Variants in C12orf54 observed in about 807,000 individuals in gnomAD.
The protein encoded by C12orf54 is chromosome 12 open reading frame 54.
In C12orf54, 24 loss-of-function variants were observed where a neutral mutation model predicts 26.4. The ratio of observed to expected loss-of-function variants is 0.91; its 90% CI spans 0.66 to 1.28. The LOEUF is 1.28. Ranked by LOEUF, C12orf54 falls within the 50% of genes most tolerant of loss-of-function variation. The pLI, the probability that C12orf54 is intolerant of heterozygous loss-of-function variation, is 0.00. For synonymous variants in C12orf54, 54 were observed against 47.0 expected (o/e 1.15, Z -0.61); for missense variants, 154 against 150.9 (o/e 1.02, Z -0.11).
intron 4 of C12orf54, chr12:48,488,370 G>T (rs1937705204): frequency 2.0e-6 from 1 of 504,474 alleles, no homozygotes; most frequent in Non-Finnish European, 3.8e-6. Context: ...AGCCAAGGCT[G>T]GGGCTGGGTC....
the C12orf54 span, among the ~76,000 whole-genome samples, chr12:48,467,620 A>G: frequency 1.3e-5 from 2 of 152,118 alleles, no homozygotes; most frequent in African/African-American, 4.8e-5. Flanking sequence ...AAGAAAATCC[A>G]TGGTTGCTTC....
chr12:48,478,268 A>G (rs926684211), upstream of C12orf54, among the ~76,000 whole-genome samples: 2 of 152,230 alleles, frequency 1.3e-5, no homozygotes, highest in Non-Finnish European at 2.9e-5. Flanking sequence ...AGAGCTATCT[A>G]TGACAAACCC....
At chr12:48,480,768 G>A (rs560611126), upstream of C12orf54, among the ~76,000 whole-genome samples, 88 of 152,128 alleles carry the variant, frequency 5.8e-4, no homozygotes, top group Middle Eastern at 6.8e-3. Context: ...TATGTTTATC[G>A]CAGCACTATT....
the C12orf54 span, chr12:48,473,297 T>C: frequency 5.6e-5 from 63 of 1,120,468 alleles, no homozygotes; most frequent in Non-Finnish European, 8.0e-5. Flanking sequence ...AGGAGAAGGA[T>C]GAAGGTTATA....
chr12:48,463,283 T>A, the C12orf54 span, among the ~76,000 whole-genome samples: 1 of 151,784 alleles, frequency 6.6e-6, no homozygotes, highest in African/African-American at 2.4e-5. Context: ...CCATCAGAGA[T>A]TATTATGAAC....
At chr12:48,437,571 T>G in the C12orf54 span, among the ~76,000 whole-genome samples, 1 of 152,232 alleles carries the variant, frequency 6.6e-6, no homozygotes, top group African/African-American at 2.4e-5. Context: ...GTGGGCTTCA[T>G]GCCTCGGATG....
chr12:48,440,130 CAGG>C, the C12orf54 span, among the ~76,000 whole-genome samples: 1 of 151,568 alleles, frequency 6.6e-6, no homozygotes, highest in Admixed American at 6.6e-5. Flanking sequence ...AAGGCTGAGG[CAGG>C]AGAATTGTTT....
chr12:48,424,591 A>C, the C12orf54 span, among the ~76,000 whole-genome samples: 1 of 152,126 alleles, frequency 6.6e-6, no homozygotes, highest in African/African-American at 2.4e-5. Flanking sequence ...TGAAATCCTC[A>C]TATGTTGCCA....
At chr12:48,442,008 A>G in the C12orf54 span, 8 of 152,152 alleles carry the variant, frequency 5.3e-5, no homozygotes, top group African/African-American at 1.9e-4. Context: ...CATCATTCTG[A>G]TTTCATAAGT....
chr12:48,473,187 G>T, the C12orf54 span: 25 of 1,396,362 alleles, frequency 1.8e-5, no homozygotes, highest in Non-Finnish European at 2.5e-5. Context: ...GGAGGATGAG[G>T]ATGAGGAGGA....
the C12orf54 span, among the ~76,000 whole-genome samples, chr12:48,476,595 C>A: frequency 3.9e-5 from 6 of 152,122 alleles, no homozygotes; most frequent in African/African-American, 1.4e-4. Flanking sequence ...GGGTTGCAAT[C>A]CTAGTCTCTG....
Position 48,494,964 on chromosome 12 carries a change from T to A in C12orf54, c.*25T>A, listed in dbSNP as rs755698805. The A allele has an allele frequency of 1.2e-6, 2 of 1,608,234 alleles. No homozygotes were observed. Among genetic ancestry groups the A allele is most frequent in the South Asian group, 2.2e-5 (2 of 90,800 alleles). ...ACTCTACAATCAAGGAAGAAGGACATCTCTGCTTCCGCCAGGTGCTTTACC... is the reference window on the plus strand; with the variant it reads ...ACTCTACAATCAAGGAAGAAGGACAACTCTGCTTCCGCCAGGTGCTTTACC... On this transcript the variant is annotated 3_prime_UTR_variant, in exon 8 of 9. Coordinates refer to ENST00000548364, the MANE Select transcript of C12orf54 (RefSeq NM_152319.4).
chr12:48,424,579 A>G, the C12orf54 span, among the ~76,000 whole-genome samples: 3 of 152,142 alleles, frequency 2.0e-5, no homozygotes, highest in Admixed American at 2.0e-4. Flanking sequence ...TTGGAGAGCA[A>G]TTGAAATCCT....
At chr12:48,490,916 C>A in intron 6 of C12orf54, 80 bp downstream of exon 6, 1 of 1,520,804 alleles carries the variant, frequency 6.6e-7, no homozygotes, top group Non-Finnish European at 9.1e-7. Context: ...TATCCATTTG[C>A]CATACAAAAG....
chr12:48,420,598 GGGAGGATA>G, the C12orf54 span, among the ~76,000 whole-genome samples: 1 of 152,086 alleles, frequency 6.6e-6, no homozygotes, highest in Non-Finnish European at 1.5e-5. Flanking sequence ...CAGTCTCTGT[GGGAGGATA>G]GGAGCCCAAC....
chr12:48,489,879 G>A (rs185705594), intron 5 of C12orf54, among the ~76,000 whole-genome samples: 157 of 152,010 alleles, frequency 1.0e-3, no homozygotes, highest in African/African-American at 3.3e-3. Flanking sequence ...GTGCCACCAC[G>A]CCCGGCTAAT....
At chr12:48,473,157 G>T in the C12orf54 span, 1 of 1,553,930 alleles carries the variant, frequency 6.4e-7, no homozygotes, top group Non-Finnish European at 8.9e-7. Flanking sequence ...GGGCTTTGTG[G>T]AGTGCCTGGA....
the C12orf54 span, among the ~76,000 whole-genome samples, chr12:48,476,011 C>T: frequency 2.6e-5 from 4 of 151,780 alleles, no homozygotes; most frequent in Non-Finnish European, 5.9e-5. Context: ...GTTGGGTTAC[C>T]CACAAAGGGA....
the C12orf54 span, among the ~76,000 whole-genome samples, chr12:48,444,814 G>A: frequency 2.6e-5 from 4 of 152,136 alleles, no homozygotes; most frequent in African/African-American, 7.2e-5. Flanking sequence ...TTTTAAGAAT[G>A]AGACATACAA....
Sources: gnomAD v4.1 joint callset for allele counts (sites outside exome capture counted in the v4.1 genomes callset) on GRCh38, gnomAD v4.1.1 for gene constraint, MANE v1.5 for transcripts, NCBI Gene and HGNC (gene_info 2026-07-23, HGNC 2026-07-21) for gene names.